The following PCDHGB5 variants were observed in gnomAD, a reference collection of about 807,000 sequenced individuals.
PCDHGB5 encodes the protein protocadherin gamma subfamily B, 5, also known as protocadherin gamma-B5.
In PCDHGB5, 48 loss-of-function variants were observed where a neutral mutation model predicts 62.9. The ratio of observed to expected loss-of-function variants is 0.76; its 90% CI spans 0.61 to 0.97. PCDHGB5 has a LOEUF of 0.97. PCDHGB5 is among the 50% of genes least tolerant of loss of function. The pLI, the probability that PCDHGB5 is intolerant of heterozygous loss-of-function variation, is 0.00. For synonymous variants in PCDHGB5, 474 were observed against 511.2 expected (o/e 0.93, Z 0.98); for missense variants, 1,118 against 1,198.6 (o/e 0.93, Z 0.99).
At chr5:141,416,698 A>G (rs2096053724) in intron 1 of PCDHGB5, 1 of 152,250 alleles carries the variant, frequency 6.6e-6, no homozygotes, top group Non-Finnish European at 1.5e-5. Context: ...TAAACAAAGG[A>G]TCATTGGAGG....
intron 1 of PCDHGB5, among the ~76,000 whole-genome samples, chr5:141,463,684 G>C (rs2099066814): frequency 6.6e-6 from 1 of 151,910 alleles, no homozygotes; most frequent in African/African-American, 2.4e-5. Flanking sequence ...ATGACCTCGT[G>C]ATCTGCTCAC....
intron 1 of PCDHGB5, among the ~76,000 whole-genome samples, chr5:141,448,877 G>A (rs1421211206): frequency 6.6e-6 from 1 of 152,112 alleles, no homozygotes; most frequent in African/African-American, 2.4e-5. Flanking sequence ...CCTGGGAGGC[G>A]GAGCTTGCAG....
At chr5:141,465,852 G>A (rs1250863307) in intron 1 of PCDHGB5, among the ~76,000 whole-genome samples, 1 of 151,996 alleles carries the variant, frequency 6.6e-6, no homozygotes, top group East Asian at 1.9e-4. Context: ...GCTGGGCCCA[G>A]TGGCTCATGC....
chr5:141,409,033 A>T, intron 1 of PCDHGB5: 1 of 1,614,028 alleles, frequency 6.2e-7, no homozygotes, highest in Non-Finnish European at 8.5e-7. Context: ...ATGCTGAGAT[A>T]AACTACTACT....
intron 1 of PCDHGB5, among the ~76,000 whole-genome samples, chr5:141,470,181 A>G (rs974401154): frequency 3.9e-5 from 6 of 152,236 alleles, no homozygotes; most frequent in African/African-American, 9.6e-5. Flanking sequence ...AAAATATTCA[A>G]GTAAACTTCA....
chr5:141,403,632 G>A (rs759489331), intron 1 of PCDHGB5: 2 of 1,613,916 alleles, frequency 1.2e-6, no homozygotes, highest in Admixed American at 1.7e-5. Context: ...AGCACAGTGC[G>A]CATCCATGTG....
chr5:141,429,239 T>C (rs1344971786), intron 1 of PCDHGB5: 1 of 151,802 alleles, frequency 6.6e-6, no homozygotes, highest in East Asian at 1.9e-4. Context: ...ACTGCTGTCA[T>C]TGAGATATTT....
intron 1 of PCDHGB5, among the ~76,000 whole-genome samples, chr5:141,472,264 G>A (rs925973401): frequency 1.3e-4 from 20 of 152,068 alleles, no homozygotes; most frequent in African/African-American, 3.6e-4. Context: ...TATTATAGCC[G>A]GGCACAGTGG....
At position 141,458,567 on chromosome 5, in the gene PCDHGB5, T is replaced by TTTTG. The variant is rs144471304; in HGVS notation, c.2398-36224_2398-36221dup. Among the ~76,000 whole-genome samples the TTTTG allele has an allele frequency of 8.6e-5, 13 of 151,610 alleles. No individual in the cohort carries two copies. The East Asian group carries it at 1.5e-3, about 18-fold the overall frequency. On this transcript the variant is annotated intron_variant, in intron 1 of 3. Coordinates refer to ENST00000617380, the MANE Select transcript of PCDHGB5 (RefSeq NM_018925.3). ...TTGTTTGTTTGTTTTGGTTTTGGGT[T>TTTTG]TTTGTTTGTTTGTTTGTTTTGGAGA...
Position 141,450,950 on chromosome 5 carries a change from A to G in PCDHGB5, c.2398-43857A>G, listed in dbSNP as rs1176916120. ...AGCAATTCTCCTACCTCAGCCTCCCAAGTAGCTGGGATTACAGGCATGTGC... is the reference window on the plus strand; with the variant it reads ...AGCAATTCTCCTACCTCAGCCTCCCGAGTAGCTGGGATTACAGGCATGTGC... On this transcript the variant is annotated intron_variant, in intron 1 of 3. Coordinates refer to ENST00000617380, the MANE Select transcript of PCDHGB5 (RefSeq NM_018925.3). Among the ~76,000 whole-genome samples, 9 of 150,714 alleles carry G rather than the reference A, an allele frequency of 6.0e-5. No individual in the cohort carries two copies. In the East Asian group the frequency reaches 1.6e-3, roughly 26 times the overall value.
At position 141,432,646 on chromosome 5, in the gene PCDHGB5, G is replaced by A. The variant is rs780822589; in HGVS notation, c.2397+32122G>A. 9.3e-6 allele frequency: 15 copies of A among 1,613,690 alleles called. No individual in the cohort carries two copies. The highest frequency in any genetic ancestry group is 1.3e-5 in the Non-Finnish European group (15 of 1,179,944). ...TGCACACGGGCGAGGTGCGCACGGCGCGAGCCCTGCTGGACAGAGACGCGC... is the reference window on the plus strand; with the variant it reads ...TGCACACGGGCGAGGTGCGCACGGCACGAGCCCTGCTGGACAGAGACGCGC... On this transcript the variant is annotated intron_variant, in intron 1 of 3. Transcript: ENST00000617380. This position sits in a 1 kb window ranked among gnomAD's most constrained non-coding sequence, Gnocchi z 6.0.
intron 1 of PCDHGB5, chr5:141,427,790 C>A: frequency 1.3e-6 from 2 of 1,482,222 alleles, no homozygotes; most frequent in Non-Finnish European, 1.9e-6. Context: ...TGTCGTCCTA[C>A]GTGTCCGTGA....
chr5:141,415,843 G>T (rs1022622333), intron 1 of PCDHGB5: 36 of 1,251,418 alleles, frequency 2.9e-5, no homozygotes, highest in Non-Finnish European at 3.6e-5. Flanking sequence ...GATTAGCTTT[G>T]CAGAACCTTG....
intron 1 of PCDHGB5, chr5:141,414,424 G>C (rs762669763): frequency 1.2e-6 from 2 of 1,613,846 alleles, no homozygotes; most frequent in Non-Finnish European, 1.7e-6. Context: ...CCTTGACAGG[G>C]AACAGGTATC....
At chr5:141,459,945 G>T (rs113794146) in intron 1 of PCDHGB5, among the ~76,000 whole-genome samples, 54 of 152,164 alleles carry the variant, frequency 3.5e-4, no homozygotes, top group Middle Eastern at 3.2e-3. Flanking sequence ...GGGCGTGATG[G>T]CAGGTGCCTG....
intron 1 of PCDHGB5, among the ~76,000 whole-genome samples, chr5:141,434,571 T>C (rs2154556263): frequency 6.6e-6 from 1 of 152,374 alleles, no homozygotes; most frequent in South Asian, 2.1e-4. Flanking sequence ...GACATGCCCC[T>C]GCTGCAGATA....
rs1425448852 is a variant in PCDHGB5, at chr5:141,493,717, C to T, written c.2398-1090C>T. Among the ~76,000 whole-genome samples the T allele has an allele frequency of 1.3e-5, 2 of 152,208 alleles. No individual in the cohort carries two copies. The highest frequency in any genetic ancestry group is 3.8e-4 in the East Asian group (2 of 5,202). On this transcript the variant is annotated intron_variant, in intron 1 of 3. Coordinates refer to ENST00000617380, the MANE Select transcript of PCDHGB5 (RefSeq NM_018925.3). This position sits in a 1 kb window ranked among gnomAD's most constrained non-coding sequence, Gnocchi z 4.3. ...CCGATACACCTGGAATGCTAGGTTT[C>T]TGGGTTCTGCTCATATCACTGCCAC...
At chr5:141,427,773 C>T (rs1285483564) in intron 1 of PCDHGB5, 1 of 1,414,460 alleles carries the variant, frequency 7.1e-7, no homozygotes, top group Non-Finnish European at 9.9e-7. Flanking sequence ...CTTGGAGCTG[C>T]GGGCACTGTC....
chr5:141,415,432 T>G, intron 1 of PCDHGB5: 1 of 1,614,222 alleles, frequency 6.2e-7, no homozygotes, highest in East Asian at 2.2e-5. Flanking sequence ...GGTTCGGGCT[T>G]TCCTGCAGAC....
Sources: gnomAD v4.1 joint callset for allele counts (sites outside exome capture counted in the v4.1 genomes callset) on GRCh38, gnomAD v4.1.1 for gene constraint, Gnocchi (gnomAD v3.1) non-coding constraint, MANE v1.5 for transcripts, NCBI Gene and HGNC (gene_info 2026-07-23, HGNC 2026-07-21) for gene names.